Variants in DAB2IP observed in about 807,000 individuals in gnomAD.
The protein encoded by DAB2IP is disabled homolog 2-interacting protein.
In DAB2IP, 28 loss-of-function variants were observed where a neutral mutation model predicts 107.2. The observed-to-expected ratio is 0.26, with a 90% CI of 0.19 to 0.36. The LOEUF is 0.36. Among genes scored for constraint, DAB2IP ranks in the 10% least tolerant of loss-of-function variants. DAB2IP has a pLI of 1.00. For missense variants in DAB2IP, 1,400 were observed against 1,644.7 expected (o/e 0.85, Z 2.57); for synonymous variants, 755 against 706.4 (o/e 1.07, Z -1.09).
At chr9:121,624,885 CGTAA>C (rs1831589027) in intron 1 of DAB2IP, among the ~76,000 whole-genome samples, 1 of 152,182 alleles carries the variant, frequency 6.6e-6, no homozygotes, top group Non-Finnish European at 1.5e-5. Context: ...GTGCCAGGAA[CGTAA>C]GTCTCAATAA....
At chr9:121,579,589 C>T (rs912074459) in intron 1 of DAB2IP, among the ~76,000 whole-genome samples, 1 of 152,100 alleles carries the variant, frequency 6.6e-6, no homozygotes, top group African/African-American at 2.4e-5. Context: ...GACCAGGGGA[C>T]CTCCCTAACA....
chr9:121,638,190 A>G (rs1832155598), intron 1 of DAB2IP, among the ~76,000 whole-genome samples: 1 of 152,214 alleles, frequency 6.6e-6, no homozygotes. Flanking sequence ...AGATAGAAAA[A>G]AATTGCATCT....
chr9:121,673,426 G>A (rs1213282356), intron 1 of DAB2IP, among the ~76,000 whole-genome samples: 1 of 152,186 alleles, frequency 6.6e-6, no homozygotes, highest in Non-Finnish European at 1.5e-5. Context: ...TGTCCTGTGG[G>A]ATTACATTTG....
chr9:121,588,004 T>C (rs1830343994), intron 1 of DAB2IP, among the ~76,000 whole-genome samples: 1 of 152,232 alleles, frequency 6.6e-6, no homozygotes, highest in African/African-American at 2.4e-5. Flanking sequence ...CTGCCCATGA[T>C]GACTTTCCCT....
Position 121,585,846 on chromosome 9 carries a change from T to TA in DAB2IP, c.40+18618_40+18619insA, listed in dbSNP as rs540921133. Among the ~76,000 whole-genome samples, 45 of 71,288 alleles carry TA rather than the reference T, an allele frequency of 6.3e-4. No homozygotes were observed. The South Asian group carries it at 0.035, about 56-fold the overall frequency. The allele number at this position is 71,288 out of a possible 152,430, so 46.8% of individuals were successfully genotyped here. A position where few individuals can be genotyped will look rare whatever the true frequency, so the allele number is the denominator to read the frequency against. On this transcript the variant is annotated intron_variant, in intron 1 of 16. Coordinates refer to the DAB2IP transcript ENST00000259371. ...TCCAGCCTGGGTGAGGGTTAGGGAT[T>TA]TAAAAAAAAAAATAGAATGGGTTAA...
chr9:121,623,815 G>A (rs539587227), intron 1 of DAB2IP, among the ~76,000 whole-genome samples: 5 of 152,078 alleles, frequency 3.3e-5, no homozygotes, highest in Non-Finnish European at 5.9e-5. Flanking sequence ...AGCATCCTTA[G>A]TAGCTGGGAT....
upstream of DAB2IP, among the ~76,000 whole-genome samples, chr9:121,651,438 C>G (rs1403584957): frequency 6.6e-6 from 1 of 152,118 alleles, no homozygotes; most frequent in African/African-American, 2.4e-5. This position sits in a 1 kb window ranked among gnomAD's most constrained non-coding sequence, Gnocchi z 5.1. Flanking sequence ...GGGGTGGGAG[C>G]CAGAACCCTC....
Position 121,776,086 on chromosome 9 carries a change from C to T in DAB2IP, c.3121-112C>T. 1.6e-6 allele frequency: 2 copies of T among 1,283,978 alleles called. No homozygotes were observed. The highest frequency in any genetic ancestry group is 1.5e-5 in the South Asian group (1 of 68,562). 79.5% of individuals were successfully genotyped at this position (1,283,978 alleles called of 1,614,324 possible). A position where few individuals can be genotyped will look rare whatever the true frequency, so the allele number is the denominator to read the frequency against. ...CTATGTGAAGTGGGCGGGTCACAGC[C>T]ACTGGGGCCTTTCAAGTGGGGCTCC... is the stretch of plus-strand genomic sequence containing the variant. On this transcript the variant is annotated intron_variant, in intron 13 of 15. Coordinates refer to ENST00000408936, the Ensembl canonical transcript of DAB2IP. This position sits in a 1 kb window ranked among gnomAD's most constrained non-coding sequence, Gnocchi z 5.4.
chr9:121,743,060 T>C lies in DAB2IP; in HGVS notation c.363-13953T>C. The C allele has an allele frequency of 7.6e-6, 7 of 926,374 alleles. No individual in the cohort carries two copies. The South Asian group carries it at 3.5e-4, about 46-fold the overall frequency. The allele number at this position is 926,374 out of a possible 1,614,324, so 57.4% of individuals were successfully genotyped here. ...GAGGGAGCAGGTGGGAGGAATACTC[T>C]GGCTGGGATGGACCTCACGGGGTGT... On this transcript the variant is annotated intron_variant, in intron 3 of 15. Transcript: ENST00000408936.
intron 3 of DAB2IP, among the ~76,000 whole-genome samples, chr9:121,724,264 C>T (rs995697773): frequency 6.6e-6 from 1 of 152,138 alleles, no homozygotes; most frequent in Non-Finnish European, 1.5e-5. Context: ...ACCTGACTAC[C>T]TTTCCAGTTG....
Position 121,722,173 on chromosome 9 carries a change from G to A in DAB2IP, c.362+22715G>A, listed in dbSNP as rs548061358. 1.6e-4 allele frequency among the ~76,000 whole-genome samples: 24 copies of A among 152,312 alleles called. No homozygotes were observed. In the East Asian group the frequency reaches 2.1e-3, roughly 13 times the overall value. ...TGGAATGGGGGCTGTCGATCTCTCC[G>A]TTGTCCATGCATGCATGTGACCTCC... On this transcript the variant is annotated intron_variant, in intron 3 of 15. Transcript: ENST00000408936.
chr9:121,680,450 C>T (rs765338373), intron 2 of DAB2IP, among the ~76,000 whole-genome samples: 47 of 152,242 alleles, frequency 3.1e-4, no homozygotes, highest in African/African-American at 1.0e-3. Context: ...TGCGCTGAGA[C>T]GATTCAGGGT....
At chr9:121,650,731 T>C (rs1029298003), upstream of DAB2IP, among the ~76,000 whole-genome samples, 1 of 151,852 alleles carries the variant, frequency 6.6e-6, no homozygotes, top group African/African-American at 2.4e-5. Context: ...CTGTGGGCCA[T>C]GGTTAGGGAA....
chr9:121,663,708 A>G lies in DAB2IP; in HGVS notation c.124+11809A>G, dbSNP rs569242300. On this transcript the variant is annotated intron_variant, in intron 1 of 15. Coordinates refer to ENST00000408936, the Ensembl canonical transcript of DAB2IP. Reference sequence around the variant, plus strand: ...CTCCAAACTCAACATCATAAAACCAAAACGTGAAATCAACATCCCTCATCT... The same window carrying G: ...CTCCAAACTCAACATCATAAAACCAGAACGTGAAATCAACATCCCTCATCT... Among the ~76,000 whole-genome samples, 40 of 152,308 alleles carry G rather than the reference A, an allele frequency of 2.6e-4. 3 individuals carry two copies. The South Asian group carries it at 7.9e-3, about 30-fold the overall frequency.
In DAB2IP at chr9:121,612,408, G is replaced by A. The variant is rs1831127774; in HGVS notation, c.40+45180G>A. Among the ~76,000 whole-genome samples the A allele has an allele frequency of 2.0e-5, 3 of 152,186 alleles. No individual in the cohort carries two copies. The South Asian group carries it at 6.2e-4, about 32-fold the overall frequency. On this transcript the variant is annotated intron_variant, in intron 1 of 16. Transcript: ENST00000259371. ...CTCAAATTGGCCAAAAAAGGTGTCT[G>A]AACATGGGTTTTTAAGGGAGCTGCT...
intron 1 of DAB2IP, among the ~76,000 whole-genome samples, chr9:121,617,359 C>T (rs554171811): frequency 1.2e-4 from 19 of 152,198 alleles, no homozygotes; most frequent in African/African-American, 4.1e-4. Flanking sequence ...AGGGGAGTAG[C>T]GAGTAAATTT....
rs988943948 is a variant in DAB2IP, at chr9:121,599,009, C to T, written c.40+31781C>T. The stretch of plus-strand genomic sequence containing the variant: ...GTTGGTGGGAGTGCTGGGGTGCCTT[C>T]CCTGTGACACCCCGCACTGTCCCCT... On this transcript the variant is annotated intron_variant, in intron 1 of 16. Coordinates refer to the DAB2IP transcript ENST00000259371. This position sits in a 1 kb window ranked among gnomAD's most constrained non-coding sequence, Gnocchi z 6.9. Among the ~76,000 whole-genome samples the T allele has an allele frequency of 2.0e-5, 3 of 152,182 alleles. No homozygotes were observed. The highest frequency in any genetic ancestry group is 7.2e-5 in the African/African-American group (3 of 41,452).
chr9:121,752,152 CA>C (rs1354321789), intron 3 of DAB2IP, among the ~76,000 whole-genome samples: 1 of 152,192 alleles, frequency 6.6e-6, no homozygotes, highest in Non-Finnish European at 1.5e-5. Flanking sequence ...AGAGCAAGGG[CA>C]GGGGCATTTC....
At position 121,760,154 on chromosome 9, in the gene DAB2IP, C is replaced by T; in HGVS notation, c.885C>T (p.Ser295=). The change falls in exon 6 of 16, where the codon AGC becomes AGT. Residue 295 remains serine, a synonymous_variant. Coordinates refer to ENST00000408936, the Ensembl canonical transcript of DAB2IP. The surrounding 1 kb of genome is among the most constrained non-coding windows in gnomAD (Gnocchi z 5.9). ...GCAACAGTTACCTGGGCCTGGTGAG[C>T]CTACCTGCTGCCTCGGTGGCCGGGC... 1 of 1,613,848 alleles carries T rather than the reference C, an allele frequency of 6.2e-7. No homozygotes were observed. Among genetic ancestry groups the T allele is most frequent in the Non-Finnish European group, 8.5e-7 (1 of 1,180,022 alleles).
Sources: allele counts gnomAD v4.1 joint callset (sites outside exome capture counted in the v4.1 genomes callset), GRCh38; gene constraint gnomAD v4.1.1; non-coding constraint Gnocchi (gnomAD v3.1); transcripts MANE v1.5; gene names NCBI Gene and HGNC (gene_info 2026-07-23, HGNC 2026-07-21).